The following TMEM9 variants were observed in gnomAD, a reference collection of about 807,000 sequenced individuals.
TMEM9 encodes the protein proton-transporting V-type ATPase complex assembly regulator TMEM9.
Under a neutral mutation model 22.8 loss-of-function variants are expected in TMEM9, and 13 were observed. The ratio of observed to expected loss-of-function variants is 0.57; its 90% CI spans 0.37 to 0.91. The LOEUF (loss-of-function observed/expected upper bound fraction) is 0.91. TMEM9 is among the 40% of genes least tolerant of loss of function. The probability of loss-of-function intolerance (pLI) is 0.01; values close to 1 mark genes in which losing one functional copy is unlikely to be tolerated. For missense variants in TMEM9, 182 were observed against 238.1 expected (o/e 0.76, Z 1.55); for synonymous variants, 88 against 93.0 (o/e 0.95, Z 0.31).
upstream of TMEM9, among the ~76,000 whole-genome samples, chr1:201,155,922 T>C (rs1443648882): frequency 6.6e-6 from 1 of 152,186 alleles, no homozygotes; most frequent in Admixed American, 6.5e-5. Context: ...TGTTAGCTCA[T>C]TGTGGAGGTC....
chr1:201,170,978 G>T (rs1309067827), intron 1 of TMEM9, among the ~76,000 whole-genome samples: 2 of 152,264 alleles, frequency 1.3e-5, no homozygotes, highest in African/African-American at 4.8e-5. Context: ...GGGCCAGCAG[G>T]TGTTACCTGA....
At chr1:201,136,136 C>G (rs933252973) in intron 4 of TMEM9, among the ~76,000 whole-genome samples, 2 of 152,176 alleles carry the variant, frequency 1.3e-5, no homozygotes, top group African/African-American at 4.8e-5. Flanking sequence ...ACAGCTAGCT[C>G]AAGGGAGGTT....
intron 3 of TMEM9, among the ~76,000 whole-genome samples, chr1:201,145,865 G>T (rs1394630756): frequency 6.6e-6 from 1 of 152,246 alleles, no homozygotes; most frequent in Admixed American, 6.5e-5. Context: ...AGGAGGCTGA[G>T]GTGGGAGGGT....
At chr1:201,166,958 A>G (rs1413285671) in intron 1 of TMEM9, among the ~76,000 whole-genome samples, 1 of 152,242 alleles carries the variant, frequency 6.6e-6, no homozygotes, top group African/African-American at 2.4e-5. Flanking sequence ...TGAGAGCACT[A>G]AACAAGATCA....
In TMEM9 at chr1:201,146,821, C is replaced by T; in HGVS notation, c.186G>A (p.Met62Ile). 6.2e-7 allele frequency: 1 copy of T among 1,614,218 alleles called. No homozygotes were observed. Reference sequence around the variant, plus strand: ...CCTCCACGTCATGGCCAGGCACTGGCATGGGCTCCACCACGTGCAGGCAGT... The same window carrying T: ...CCTCCACGTCATGGCCAGGCACTGGTATGGGCTCCACCACGTGCAGGCAGT... ...DCNCLHVVEP[M>I]PVPGHDVEAY... Residue 62 changes from methionine to isoleucine, a missense_variant, in exon 3 of 5, where the codon ATG becomes ATA. Physicochemically the swap from Met to Ile is conservative, Grantham distance 10. Transcript: ENST00000367330.
intron 1 of TMEM9, among the ~76,000 whole-genome samples, chr1:201,170,777 C>T (rs1239686370): frequency 6.6e-6 from 1 of 152,204 alleles, no homozygotes; most frequent in Non-Finnish European, 1.5e-5. Context: ...CTTTCAGGCC[C>T]GGGCCTCGCA....
intron 1 of TMEM9, among the ~76,000 whole-genome samples, chr1:201,159,668 C>A (rs1665893458): frequency 6.6e-6 from 1 of 151,764 alleles, no homozygotes; most frequent in Non-Finnish European, 1.5e-5. Context: ...TCTGCTTTGA[C>A]CTCCCAGTGT....
chr1:201,140,756 C>T (rs1664453757), intron 4 of TMEM9, among the ~76,000 whole-genome samples: 1 of 152,162 alleles, frequency 6.6e-6, no homozygotes, highest in Non-Finnish European at 1.5e-5. Context: ...CTAAAGTCAT[C>T]GAGTTGTACA....
At chr1:201,146,597 G>A in intron 3 of TMEM9, 143 bp downstream of exon 3, 1 of 847,480 alleles carries the variant, frequency 1.2e-6, no homozygotes, top group Non-Finnish European at 2.0e-6. Context: ...GGGTCCCAGT[G>A]TCTGCACTAG....
chr1:201,161,967 CTGAAAATTAA>C (rs1267188139), intron 1 of TMEM9, among the ~76,000 whole-genome samples: 2 of 152,032 alleles, frequency 1.3e-5, no homozygotes, highest in Non-Finnish European at 2.9e-5. Flanking sequence ...GGCATTTTTG[CTGAAAATTAA>C]AGAATATTAG....
chr1:201,139,274 G>T (rs557647814), intron 4 of TMEM9, among the ~76,000 whole-genome samples: 2 of 152,278 alleles, frequency 1.3e-5, no homozygotes, highest in East Asian at 3.9e-4. Flanking sequence ...TGACCAGGTG[G>T]TCTCATCACT....
At chr1:201,159,837 A>G (rs1665898985) in intron 1 of TMEM9, among the ~76,000 whole-genome samples, 1 of 152,182 alleles carries the variant, frequency 6.6e-6, no homozygotes, top group South Asian at 2.1e-4. Flanking sequence ...TGTAATATGC[A>G]CACTCATATT....
At chr1:201,165,724 C>T (rs1400850869) in intron 1 of TMEM9, among the ~76,000 whole-genome samples, 2 of 152,170 alleles carry the variant, frequency 1.3e-5, no homozygotes, top group Non-Finnish European at 2.9e-5. Context: ...CGTGTGCCAC[C>T]GTGCCTGGCC....
intron 2 of TMEM9, among the ~76,000 whole-genome samples, chr1:201,150,760 A>T (rs111865595): frequency 4.7e-4 from 72 of 151,990 alleles, no homozygotes; most frequent in African/African-American, 1.7e-3. Context: ...CCTCACCCTC[A>T]CTCCGTATTT....
At chr1:201,170,817 C>G (rs917074160) in intron 1 of TMEM9, among the ~76,000 whole-genome samples, 6 of 152,240 alleles carry the variant, frequency 3.9e-5, no homozygotes, top group African/African-American at 1.2e-4. Flanking sequence ...TAGCCCCACC[C>G]CCTAGTGACC....
intron 1 of TMEM9, among the ~76,000 whole-genome samples, chr1:201,167,065 C>A (rs1666095765): frequency 6.6e-6 from 1 of 152,130 alleles, no homozygotes; most frequent in Non-Finnish European, 1.5e-5. Flanking sequence ...ATTTTTTAAA[C>A]CTTCATATTG....
At chr1:201,142,812 C>T (rs1167413178) in intron 4 of TMEM9, among the ~76,000 whole-genome samples, 2 of 152,254 alleles carry the variant, frequency 1.3e-5, no homozygotes, top group Non-Finnish European at 2.9e-5. Context: ...CTCATGCACC[C>T]AGCTAGCTGG....
intron 2 of TMEM9, among the ~76,000 whole-genome samples, chr1:201,151,188 C>T (rs544661619): frequency 5.8e-4 from 88 of 152,314 alleles, no homozygotes; most frequent in African/African-American, 2.0e-3. Context: ...CCATTCCTTC[C>T]AGGACAATGT....
chr1:201,153,518 T>C (rs1257091644), intron 1 of TMEM9, among the ~76,000 whole-genome samples: 1 of 152,102 alleles, frequency 6.6e-6, no homozygotes, highest in African/African-American at 2.4e-5. Flanking sequence ...TACTCCCAAA[T>C]CCAAAAATAT....
Sources: allele counts gnomAD v4.1 joint callset (sites outside exome capture counted in the v4.1 genomes callset), GRCh38; gene constraint gnomAD v4.1.1; transcripts MANE v1.5; gene names NCBI Gene and HGNC (gene_info 2026-07-23, HGNC 2026-07-21).